Variants in CNTN5 observed in about 807,000 individuals in gnomAD.
The protein encoded by CNTN5 is contactin-5.
CNTN5 carries 77 observed loss-of-function variants against 129.1 expected under a neutral mutation model. The observed-to-expected ratio is 0.60, with a 90% CI of 0.50 to 0.72. The LOEUF is 0.72. Among genes scored for constraint, CNTN5 ranks in the 30% least tolerant of loss-of-function variants. The probability of loss-of-function intolerance (pLI) is 0.00; values close to 1 mark genes in which losing one functional copy is unlikely to be tolerated. For missense variants in CNTN5, 1,478 were observed against 1,328.8 expected, an observed-to-expected ratio of 1.11 and a Z score of -1.75; for synonymous variants, 509 against 465.6, an observed-to-expected ratio of 1.09 and a Z score of -1.20.
intron 1 of CNTN5, among the ~76,000 whole-genome samples, chr11:99,293,692 C>A (rs553603735): frequency 4.6e-5 from 7 of 152,064 alleles, no homozygotes; most frequent in Admixed American, 3.3e-4. Flanking sequence ...CTAGGCTTTC[C>A]ATTTTTTTGG....
intron 3 of CNTN5, among the ~76,000 whole-genome samples, chr11:99,592,312 A>G (rs933018812): frequency 6.6e-6 from 1 of 152,218 alleles, no homozygotes; most frequent in Admixed American, 6.5e-5. Flanking sequence ...AAATCTGCAG[A>G]TAAGTTTAAA....
intron 1 of CNTN5, among the ~76,000 whole-genome samples, chr11:99,317,386 T>C (rs1158657226): frequency 2.6e-5 from 4 of 152,180 alleles, no homozygotes; most frequent in African/African-American, 9.6e-5. Flanking sequence ...GTGACAGATG[T>C]AGCAATATGA....
At chr11:99,241,668 G>A (rs1486905421) in intron 1 of CNTN5, among the ~76,000 whole-genome samples, 1 of 151,986 alleles carries the variant, frequency 6.6e-6, no homozygotes, top group Non-Finnish European at 1.5e-5. Context: ...TTAATCATAT[G>A]TTCCTTTTAT....
chr11:99,748,284 A>C (rs544113563), intron 3 of CNTN5, among the ~76,000 whole-genome samples: 117 of 152,182 alleles, frequency 7.7e-4, no homozygotes, highest in Non-Finnish European at 1.3e-3. Flanking sequence ...TATTGGGATT[A>C]ATTATTCATT....
chr11:99,753,232 C>G (rs1025174590), intron 3 of CNTN5, among the ~76,000 whole-genome samples: 23 of 147,050 alleles, frequency 1.6e-4, no homozygotes, highest in African/African-American at 5.6e-4. Flanking sequence ...ATGCCATTCT[C>G]CTGCCTCAGC....
chr11:99,933,138 T>C (rs2136082329), intron 7 of CNTN5, among the ~76,000 whole-genome samples: 1 of 152,324 alleles, frequency 6.6e-6, no homozygotes, highest in East Asian at 1.9e-4. Flanking sequence ...CCTTTCTTTA[T>C]ATTTTTTCAA....
At chr11:99,168,406 C>T (rs1042173999) in intron 1 of CNTN5, among the ~76,000 whole-genome samples, 14 of 152,140 alleles carry the variant, frequency 9.2e-5, no homozygotes, top group African/African-American at 1.9e-4. Context: ...AGTGAAACCC[C>T]GTCTGTACTA....
chr11:99,047,281 TTCTAC>T (rs1296200490), intron 1 of CNTN5, among the ~76,000 whole-genome samples: 1 of 151,802 alleles, frequency 6.6e-6, no homozygotes, highest in African/African-American at 2.4e-5. Context: ...TATTCTAGTC[TTCTAC>T]TCTAACTTCT....
At chr11:99,753,414 G>A (rs1447221206) in intron 3 of CNTN5, among the ~76,000 whole-genome samples, 7 of 150,904 alleles carry the variant, frequency 4.6e-5, no homozygotes, top group Admixed American at 2.6e-4. Context: ...GAGCCACCGC[G>A]CCCGGCCTGC....
intron 9 of CNTN5, among the ~76,000 whole-genome samples, chr11:100,011,589 T>G (rs1940535905): frequency 6.6e-6 from 1 of 152,140 alleles, no homozygotes. Flanking sequence ...TGAAATCTTG[T>G]GGTGAGGTGG....
intron 1 of CNTN5, among the ~76,000 whole-genome samples, chr11:99,110,485 A>G (rs570726117): frequency 6.6e-6 from 1 of 152,238 alleles, no homozygotes; most frequent in East Asian, 1.9e-4. Context: ...TGGCCTTGGG[A>G]TGCTAATAGC....
intron 3 of CNTN5, among the ~76,000 whole-genome samples, chr11:99,803,662 A>T (rs1961486): frequency 6.6e-6 from 1 of 152,182 alleles, no homozygotes; most frequent in African/African-American, 2.4e-5. Flanking sequence ...TTAGCTCTCT[A>T]AGTTAGCCCC....
At chr11:99,882,964 A>G (rs1948810383) in intron 6 of CNTN5, among the ~76,000 whole-genome samples, 2 of 152,284 alleles carry the variant, frequency 1.3e-5, no homozygotes, top group South Asian at 4.1e-4. Flanking sequence ...GTGAGAGCAC[A>G]TGATGTTTGT....
intron 13 of CNTN5, among the ~76,000 whole-genome samples, chr11:100,118,435 G>A (rs77310279): frequency 1.4e-4 from 21 of 151,798 alleles, no homozygotes; most frequent in African/African-American, 4.6e-4. Context: ...TTTGGTCATA[G>A]AAATAAGAAA....
rs77058794 is a variant in CNTN5, at chr11:100,210,102, G to A, written c.1885-14590G>A. Reference sequence around the variant, plus strand: ...TGAAATCCCAGCATTTTCAGAGGCCGGGGCCAGTGGATCACCTGAGCCCAA... The same window carrying A: ...TGAAATCCCAGCATTTTCAGAGGCCAGGGCCAGTGGATCACCTGAGCCCAA... On this transcript the variant is annotated intron_variant, in intron 15 of 24. Transcript: ENST00000524871. 1.4e-3 allele frequency among the ~76,000 whole-genome samples: 212 copies of A among 151,336 alleles called. 3 individuals carry two copies. The highest frequency in any genetic ancestry group is 9.1e-3 in the East Asian group (47 of 5,152).
At chr11:99,295,603 G>A (rs925688491) in intron 1 of CNTN5, among the ~76,000 whole-genome samples, 4 of 152,144 alleles carry the variant, frequency 2.6e-5, no homozygotes, top group African/African-American at 7.2e-5. Flanking sequence ...TTGGCCGGGC[G>A]CGGTGGCTCA....
At chr11:99,621,042 A>G (rs1416948292) in intron 3 of CNTN5, among the ~76,000 whole-genome samples, 1 of 152,164 alleles carries the variant, frequency 6.6e-6, no homozygotes, top group African/African-American at 2.4e-5. Flanking sequence ...TAACACACAT[A>G]AAGTCTACCT....
chr11:100,045,432 G>C (rs1200208193), intron 9 of CNTN5, among the ~76,000 whole-genome samples: 1 of 151,422 alleles, frequency 6.6e-6, no homozygotes, highest in Non-Finnish European at 1.5e-5. Context: ...ATTAGAGATA[G>C]AAGAAAAAAA....
Position 99,668,983 on chromosome 11 carries a change from C to T in CNTN5, c.55+112714C>T, listed in dbSNP as rs550509050. Among the ~76,000 whole-genome samples the T allele has an allele frequency of 2.0e-5, 3 of 152,192 alleles. No individual in the cohort carries two copies. The South Asian group carries it at 6.2e-4, about 32-fold the overall frequency. On this transcript the variant is annotated intron_variant, in intron 3 of 24. Coordinates refer to ENST00000524871, the MANE Select transcript of CNTN5 (RefSeq NM_014361.4). ...GGGGGGAAAAGCTGATTTTCTATCA[C>T]CACAAGACTACAATTTTGAAATATG... is the stretch of plus-strand genomic sequence containing the variant.
Sources: gnomAD v4.1 joint callset for allele counts (sites outside exome capture counted in the v4.1 genomes callset) on GRCh38, gnomAD v4.1.1 for gene constraint, MANE v1.5 for transcripts, NCBI Gene and HGNC (gene_info 2026-07-23, HGNC 2026-07-21) for gene names.